Variants in SLC16A8 observed in about 807,000 individuals in gnomAD.
The protein encoded by SLC16A8 is monocarboxylate transporter 3.
A neutral mutation model predicts 22.4 loss-of-function variants in SLC16A8; 20 were observed. That is an observed-to-expected ratio of 0.89 (90% CI 0.63 to 1.30). SLC16A8 has a LOEUF of 1.30. Among genes scored for constraint, SLC16A8 ranks in the 50% most tolerant of loss-of-function variants. The pLI, the probability that SLC16A8 is intolerant of heterozygous loss-of-function variation, is 0.00. For synonymous variants in SLC16A8, 393 were observed against 358.8 expected (o/e 1.10, Z -1.08); for missense variants, 817 against 740.3 (o/e 1.10, Z -1.20).
rs1236094754 is a variant in SLC16A8, at chr22:38,081,843, AC to A, written c.358+45del. 1.9e-6 allele frequency: 3 copies of A among 1,552,746 alleles called. 1 individual carries two copies. The highest frequency in any genetic ancestry group is 3.9e-5 in the Admixed American group (2 of 51,538). Reference sequence around the variant, plus strand: ...ACCGAGGACAGATCTTGCAGCAAGAACCCCCGACCCCCAACCCAGCGGAGAG... The same window carrying A: ...ACCGAGGACAGATCTTGCAGCAAGAACCCCGACCCCCAACCCAGCGGAGAG... On this transcript the variant is annotated intron_variant, in intron 4 of 5. Coordinates refer to ENST00000681075, the MANE Select transcript of SLC16A8 (RefSeq NM_013356.3).
Position 38,081,682 on chromosome 22 carries a change from G to C in SLC16A8, c.359-3C>G. On this transcript the variant is annotated splice_region_variant and splice_polypyrimidine_tract_variant and intron_variant, in intron 4 of 5. Transcript: ENST00000681075. Reference sequence around the variant, plus strand: ...GAAGTTGAGGGCCAGGCCCAGGCCTGCGGGCGAGGCGGTGCTGTGCCGGGG... The same window carrying C: ...GAAGTTGAGGGCCAGGCCCAGGCCTCCGGGCGAGGCGGTGCTGTGCCGGGG... 1 of 1,506,524 alleles carries C rather than the reference G, an allele frequency of 6.6e-7. No homozygotes were observed. Among genetic ancestry groups the C allele is most frequent in the Non-Finnish European group, 8.8e-7 (1 of 1,132,908 alleles). 93.3% of individuals were successfully genotyped at this position (1,506,524 alleles called of 1,614,324 possible).
chr22:38,082,100 C>A, intron 3 of SLC16A8, 68 bp from the exon 4 acceptor site: 1 of 1,484,332 alleles, frequency 6.7e-7, no homozygotes, highest in Non-Finnish European at 9.0e-7. Context: ...ATAAGGTCAC[C>A]TCCGGCTCAG....
chr22:38,082,618 C>T (rs2085935691), intron 3 of SLC16A8, 42 bp downstream of exon 3: 2 of 1,495,028 alleles, frequency 1.3e-6, no homozygotes, highest in East Asian at 2.5e-5. Flanking sequence ...TTCCGGATCC[C>T]AGGGGTCCCG....
In SLC16A8 at chr22:38,082,835, TG is replaced by T. The variant is rs926190172; in HGVS notation, c.38del (p.Pro13GlnfsTer27). The T allele has an allele frequency of 4.5e-6, 7 of 1,570,994 alleles. No individual in the cohort carries two copies. Among genetic ancestry groups the T allele is most frequent in the African/African-American group, 1.3e-5 (1 of 74,466 alleles). ...GCACCACCCAGCCCCAGCCGCCGTC[TG>T]GGGGGCCCTCGCCCCGCCGGGGGCC... ...AGGPRRGEGP[P>X]DGGWGWVVLG... is the part of the protein sequence containing the mutation. On this transcript the variant is annotated frameshift_variant, in exon 3 of 6. Coordinates refer to ENST00000681075, the MANE Select transcript of SLC16A8 (RefSeq NM_013356.3). LOFTEE classifies it high-confidence loss of function.
intron 3 of SLC16A8, 30 bp from the exon 4 acceptor site, chr22:38,082,062 T>G: frequency 6.4e-7 from 1 of 1,554,538 alleles, no homozygotes; most frequent in Non-Finnish European, 8.7e-7. Context: ...ACCACCCGGG[T>G]CCCGGGATGG....
In SLC16A8 at chr22:38,081,279, G is replaced by A; in HGVS notation, c.759C>T (p.Phe253=). Residue 253 remains phenylalanine, a synonymous_variant, in exon 5 of 6, where the codon TTC becomes TTT. Coordinates refer to ENST00000681075, the MANE Select transcript of SLC16A8 (RefSeq NM_013356.3). ...LDLAVCTDRA[F]AVYAVTKFLM... ...GGAACTTGGTGACGGCGTACACGGC[G>A]AAGGCGCGGTCGGTGCACACTGCCA... is the stretch of plus-strand genomic sequence containing the variant. 2 of 1,577,902 alleles carry A rather than the reference G, an allele frequency of 1.3e-6. No individual in the cohort carries two copies. Among genetic ancestry groups the A allele is most frequent in the Non-Finnish European group, 1.7e-6 (2 of 1,161,736 alleles).
intron 3 of SLC16A8, 27 bp downstream of exon 3, chr22:38,082,633 G>C (rs1248207889): frequency 6.6e-7 from 1 of 1,524,194 alleles, no homozygotes; most frequent in Non-Finnish European, 8.8e-7. Context: ...GTCCCGGGGA[G>C]GCGGAGGGCC....
Position 38,081,642 on chromosome 22 carries a change from G to C in SLC16A8, c.396C>G (p.Ile132Met), listed in dbSNP as rs773630609. ...GLALNFQPSLIMLGLYFERRR... is the reference protein window; with the variant it reads ...GLALNFQPSLMMLGLYFERRR... The stretch of plus-strand genomic sequence containing the variant: ...GCCGCTCGAAGTACAGCCCCAGCAT[G>C]ATGAGCGACGGCTGGAAGTTGAGGG... The change falls in exon 5 of 6, where the codon ATC becomes ATG. Residue 132 changes from isoleucine (I) to methionine (M), a missense_variant. Coordinates refer to ENST00000681075, the MANE Select transcript of SLC16A8 (RefSeq NM_013356.3). 1.3e-6 allele frequency: 2 copies of C among 1,527,046 alleles called. No homozygotes were observed. Among genetic ancestry groups the C allele is most frequent in the South Asian group, 1.2e-5 (1 of 82,854 alleles). The allele number at this position is 1,527,046 out of a possible 1,614,324, so 94.6% of individuals were successfully genotyped here.
At chr22:38,080,810 C>T (rs2085902856) in intron 5 of SLC16A8, 30 bp downstream of exon 5, 14 of 1,461,860 alleles carry the variant, frequency 9.6e-6, no homozygotes, top group Non-Finnish European at 1.3e-5. Context: ...GGGCACTAGG[C>T]TCGCCACCCC....
At position 38,078,496 on chromosome 22, in the gene SLC16A8, A is replaced by C; in HGVS notation, c.1407T>G (p.Val469=). 6.2e-7 allele frequency: 1 copy of C among 1,614,118 alleles called. No individual in the cohort carries two copies. Among genetic ancestry groups the C allele is most frequent in the Non-Finnish European group, 8.5e-7 (1 of 1,180,028 alleles). Reference sequence around the variant, plus strand: ...CCTCCAGGTTGCCGGGTTCCTCTGCAACAACAGGCAGGGGCTCAGAGTCCC... The same window carrying C: ...CCTCCAGGTTGCCGGGTTCCTCTGCCACAACAGGCAGGGGCTCAGAGTCCC... ...AEGDSEPLPV[V]AEEPGNLEAL... The change falls in exon 6 of 6, where the codon GTT becomes GTG. Residue 469 remains valine (V), a synonymous_variant. Coordinates refer to ENST00000681075, the MANE Select transcript of SLC16A8 (RefSeq NM_013356.3).
Position 38,081,021 on chromosome 22 carries a change from G to A in SLC16A8, c.1017C>T (p.Arg339=). The change falls in exon 5 of 6, where the codon CGC becomes CGT. Residue 339 remains arginine, a synonymous_variant. Coordinates refer to ENST00000681075, the MANE Select transcript of SLC16A8 (RefSeq NM_013356.3). ...CGACGAGGGCGCCGTAGGAGCGCGC[G>A]CGTGCGCTGCTCAGGTCTGTGAGCC... is the stretch of plus-strand genomic sequence containing the variant. ...ANGLTDLSSA[R]ARSYGALVAF... is the part of the protein sequence containing the mutation. The A allele has an allele frequency of 6.3e-7, 1 of 1,596,618 alleles. No homozygotes were observed.
At position 38,081,107 on chromosome 22, in the gene SLC16A8, CCGCCAGGGCGCCGCACGCCGGGCG is replaced by C. The variant is rs1461300801; in HGVS notation, c.907_930del (p.Arg303_Ala310del). ...ACGTGCGGCCGCAGACGCGCCAGGCCCGCCAGGGCGCCGCACGCCGGGCGCGCCACGATGTCCACGAAGCCCACG... is the reference window on the plus strand; with the variant it reads ...ACGTGCGGCCGCAGACGCGCCAGGCCCGCCACGATGTCCACGAAGCCCACG... On this transcript the variant is annotated inframe_deletion, in exon 5 of 6. Coordinates refer to ENST00000681075, the MANE Select transcript of SLC16A8 (RefSeq NM_013356.3). The C allele has an allele frequency of 7.1e-6, 11 of 1,549,758 alleles. No homozygotes were observed. The highest frequency in any genetic ancestry group is 1.7e-4 in the Middle Eastern group (1 of 5,892).
In SLC16A8 at chr22:38,082,183, C is replaced by T. The variant is rs541203267; in HGVS notation, c.215-151G>A. ...GGGGACAGGCCAAAGAGACAGCATC[C>T]TGCGAGGGCAAGGCCCAGAGCACCC... On this transcript the variant is annotated intron_variant, in intron 3 of 5. Coordinates refer to ENST00000681075, the MANE Select transcript of SLC16A8 (RefSeq NM_013356.3). 3 of 997,426 alleles carry T rather than the reference C, an allele frequency of 3.0e-6. No individual in the cohort carries two copies. In the African/African-American group the frequency reaches 4.9e-5, roughly 16 times the overall value. The allele number at this position is 997,426 out of a possible 1,614,324, so 61.8% of individuals were successfully genotyped here.
At chr22:38,079,758 T>G (rs1326973375) in intron 5 of SLC16A8, among the ~76,000 whole-genome samples, 1 of 152,232 alleles carries the variant, frequency 6.6e-6, no homozygotes, top group Non-Finnish European at 1.5e-5. Flanking sequence ...GTGGTTTGTC[T>G]GTGTGCTCCA....
chr22:38,081,950 C>A lies in SLC16A8; in HGVS notation c.297G>T (p.Met99Ile). 1 of 1,567,728 alleles carries A rather than the reference C, an allele frequency of 6.4e-7. No individual in the cohort carries two copies. Among genetic ancestry groups the A allele is most frequent in the South Asian group, 1.2e-5 (1 of 85,450 alleles). ...GGCGCGTGGCAAAGGAAGCTAGGAT[C>A]ATGCCCGCGGAAGCCAGCAGCCCAC... Reference protein sequence around the residue: ...LAGGLLASAGMILASFATRLL... With the variant: ...LAGGLLASAGIILASFATRLL... Residue 99 changes from methionine (M) to isoleucine (I), a missense_variant, in exon 4 of 6, where the codon ATG becomes ATT. Transcript: ENST00000681075.
Position 38,078,358 on chromosome 22 carries a change from A to G in SLC16A8, c.*30T>C. ...AGACAAGAAGCTGTGTTCCCAAGTC[A>G]CTGGGCCACCCCACCCAGAGCACCC... On this transcript the variant is annotated 3_prime_UTR_variant, in exon 6 of 6. Coordinates refer to ENST00000681075, the MANE Select transcript of SLC16A8 (RefSeq NM_013356.3). 6.4e-7 allele frequency: 1 copy of G among 1,561,872 alleles called. No homozygotes were observed. The highest frequency in any genetic ancestry group is 8.7e-7 in the Non-Finnish European group (1 of 1,155,820).
intron 5 of SLC16A8, 91 bp downstream of exon 5, chr22:38,080,749 T>C (rs2085901891): frequency 7.0e-7 from 1 of 1,420,844 alleles, no homozygotes; most frequent in African/African-American, 1.5e-5. Context: ...CTTCCCCTCA[T>C]CCCTGGAAGT....
At position 38,081,500 on chromosome 22, in the gene SLC16A8, G is replaced by A; in HGVS notation, c.538C>T (p.Leu180Phe). 1 of 1,407,574 alleles carries A rather than the reference G, an allele frequency of 7.1e-7. No homozygotes were observed. The highest frequency in any genetic ancestry group is 1.6e-5 in the South Asian group (1 of 63,632). The allele number at this position is 1,407,574 out of a possible 1,614,324, so 87.2% of individuals were successfully genotyped here. Residue 180 changes from leucine (L) to phenylalanine (F), a missense_variant, in exon 5 of 6, where the codon CTC becomes TTC. By Grantham distance (22) the Leu-to-Phe change is conservative (BLOSUM62 0). Coordinates refer to ENST00000681075, the MANE Select transcript of SLC16A8 (RefSeq NM_013356.3). Reference protein sequence around the residue: ...RFGWRGGFLLLGGLLLHCCAC... With the variant: ...RFGWRGGFLLFGGLLLHCCAC... ...CAGCAGTGCAGCAGGAGCCCGCCGA[G>A]CAGCAGGAAGCCGCCGCGCCAGCCG... is the stretch of plus-strand genomic sequence containing the variant.
rs534714536 is a variant in SLC16A8, at chr22:38,079,182, G to A, written c.1199-478C>T. On this transcript the variant is annotated intron_variant, in intron 5 of 5. Transcript: ENST00000681075. ...GAGCATCCCAGACCAAGCCATCATCGGCACAGGTGGGGCTTGTGGGCCAGT... is the reference window on the plus strand; with the variant it reads ...GAGCATCCCAGACCAAGCCATCATCAGCACAGGTGGGGCTTGTGGGCCAGT... Among the ~76,000 whole-genome samples the A allele has an allele frequency of 6.4e-4, 97 of 152,328 alleles. 1 individual carries two copies. The highest frequency in any genetic ancestry group is 2.1e-3 in the African/African-American group (89 of 41,568).
Sources: allele counts gnomAD v4.1 joint callset (sites outside exome capture counted in the v4.1 genomes callset), GRCh38; gene constraint gnomAD v4.1.1; transcripts MANE v1.5; gene names NCBI Gene and HGNC (gene_info 2026-07-23, HGNC 2026-07-21).